Variants in MBD3 observed in about 807,000 individuals in gnomAD.
MBD3 encodes the protein methyl-CpG binding domain protein 3.
In MBD3, 13 loss-of-function variants were observed where a neutral mutation model predicts 31.2. The observed-to-expected ratio is 0.42, with a 90% CI of 0.27 to 0.66. MBD3 has a LOEUF of 0.66. MBD3 is among the 30% of genes least tolerant of loss of function. MBD3 has a pLI of 0.26. For missense variants in MBD3, 440 were observed against 426.5 expected (o/e 1.03, Z -0.28); for synonymous variants, 223 against 187.4 (o/e 1.19, Z -1.55).
At chr19:1,589,144 C>T (rs374820033) in intron 1 of MBD3, among the ~76,000 whole-genome samples, 10 of 151,780 alleles carry the variant, frequency 6.6e-5, no homozygotes, top group African/African-American at 2.2e-4. Flanking sequence ...CCAGCCTGAC[C>T]AACATGGTGA....
intron 3 of MBD3, 50 bp from the exon 4 acceptor site, chr19:1,582,762 A>C: frequency 6.6e-7 from 1 of 1,522,092 alleles, no homozygotes; most frequent in Non-Finnish European, 9.0e-7. Flanking sequence ...CCCTCTCCCC[A>C]CTCCAGGTCC....
At position 1,584,687 on chromosome 19, in the gene MBD3, G is replaced by C. The variant is rs749620078; in HGVS notation, c.271-10C>G. The C allele has an allele frequency of 6.2e-7, 1 of 1,609,558 alleles. No homozygotes were observed. The highest frequency in any genetic ancestry group is 1.3e-5 in the African/African-American group (1 of 74,902). ...TCAGGTCGGGCTTGCCCTGCGGGAG[G>C]AAGGATATGCAGTCCGGCCTGGGGG... On this transcript the variant is annotated splice_polypyrimidine_tract_variant and intron_variant, in intron 2 of 6. Coordinates refer to ENST00000434436, the MANE Select transcript of MBD3 (RefSeq NM_001281453.2).
At chr19:1,588,757 C>T (rs368639637) in intron 1 of MBD3, among the ~76,000 whole-genome samples, 13 of 128,984 alleles carry the variant, frequency 1.0e-4, no homozygotes, top group African/African-American at 2.4e-4. Flanking sequence ...CCAGCCTGGG[C>T]GACAGAGCAA....
In MBD3 at chr19:1,592,703, AGCTGCCTCC is replaced by A. The variant is rs1053458940; in HGVS notation, c.-81_-73del. ...GACCCCCACTCGCCGCCGCCGCCTC[AGCTGCCTCC>A]GCTGCCGCTGCCGCCGCCGCCACTT... On this transcript the variant is annotated 5_prime_UTR_variant, in exon 1 of 7. Coordinates refer to ENST00000434436, the MANE Select transcript of MBD3 (RefSeq NM_001281453.2). 3.4e-5 allele frequency: 16 copies of A among 464,024 alleles called. No individual in the cohort carries two copies. The highest frequency in any genetic ancestry group is 4.3e-5 in the African/African-American group (2 of 46,256). 28.7% of individuals were successfully genotyped at this position (464,024 alleles called of 1,614,324 possible).
rs1338302121 is a variant in MBD3 at position 1,589,473 on chromosome 19, T to C, written c.110+3049A>G. On this transcript the variant is annotated intron_variant, in intron 1 of 6. Transcript: ENST00000434436. ...TTCAAGACCAGCCTGGCCAACATGGTGAAACCCCGTCTCTATTAAAAATAT... is the reference window on the plus strand; with the variant it reads ...TTCAAGACCAGCCTGGCCAACATGGCGAAACCCCGTCTCTATTAAAAATAT... Among the ~76,000 whole-genome samples, 6 of 150,688 alleles carry C rather than the reference T, an allele frequency of 4.0e-5. No individual in the cohort carries two copies. The East Asian group carries it at 1.2e-3, about 29-fold the overall frequency.
At chr19:1,581,631 G>C in intron 4 of MBD3, 1 of 368,316 alleles carries the variant, frequency 2.7e-6, no homozygotes, top group South Asian at 2.2e-5. Context: ...TGTGGTCCCA[G>C]CTACTCAGGA....
At chr19:1,582,572 C>G (rs533884241) in intron 4 of MBD3, 50 bp downstream of exon 4, 1 of 1,566,502 alleles carries the variant, frequency 6.4e-7, no homozygotes, top group Non-Finnish European at 8.7e-7. Flanking sequence ...GCAGCACCTC[C>G]ACCCCACCCG....
At chr19:1,581,792 C>T (rs1417021104) in intron 4 of MBD3, 24 of 184,362 alleles carry the variant, frequency 1.3e-4, no homozygotes, top group Non-Finnish European at 1.8e-4. Flanking sequence ...TTTTTTGAGA[C>T]GGAGTCTCCC....
In MBD3 at chr19:1,584,993, A is replaced by T. The variant is rs1312330781; in HGVS notation, c.270+62T>A. 7 of 1,594,944 alleles carry T rather than the reference A, an allele frequency of 4.4e-6. No individual in the cohort carries two copies. The Admixed American group carries it at 1.0e-4, about 23-fold the overall frequency. ...GGCTGTGTCGCCTGCAGCTCACGTC[A>T]TGGCCGCGTCCCCGCCTAGAACGCC... On this transcript the variant is annotated intron_variant, in intron 2 of 6. Transcript: ENST00000434436.
intron 2 of MBD3, 114 bp from the exon 3 acceptor site, chr19:1,584,791 C>A: frequency 8.6e-7 from 1 of 1,164,470 alleles, no homozygotes; most frequent in Non-Finnish European, 1.1e-6. Flanking sequence ...GTGTCCCCCG[C>A]GCCCGCCAGG....
rs928490266 is a variant in MBD3, at chr19:1,577,237, C to G, written c.*927G>C. The G allele has an allele frequency of 6.6e-6, 1 of 152,354 alleles. No individual in the cohort carries two copies. The highest frequency in any genetic ancestry group is 2.4e-5 in the African/African-American group (1 of 41,466). 9.4% of individuals were successfully genotyped at this position (152,354 alleles called of 1,614,324 possible). A position where few individuals can be genotyped will look rare whatever the true frequency, so the allele number is the denominator to read the frequency against. ...GCAGGCGTCTGTGGCTTGGAACCTG[C>G]CCTCGCCAAGGCACTGGGGGGTTAA... On this transcript the variant is annotated 3_prime_UTR_variant, in exon 7 of 7. Coordinates refer to ENST00000434436, the MANE Select transcript of MBD3 (RefSeq NM_001281453.2).
At position 1,584,448 on chromosome 19, in the gene MBD3, G is replaced by A. The variant is rs192957568; in HGVS notation, c.408+92C>T. ...AGCCTGGAACTCCTGCGCTCACTAC[G>A]TCCGCTCCACGTACGACCTCATTCC... On this transcript the variant is annotated intron_variant, in intron 3 of 6. Coordinates refer to ENST00000434436, the MANE Select transcript of MBD3 (RefSeq NM_001281453.2). 481 of 1,562,968 alleles carry A rather than the reference G, an allele frequency of 3.1e-4. 4 individuals carry two copies. The African/African-American group carries it at 5.2e-3, about 17-fold the overall frequency.
intron 5 of MBD3, among the ~76,000 whole-genome samples, chr19:1,580,429 C>T (rs891356048): frequency 3.9e-5 from 6 of 152,254 alleles, no homozygotes; most frequent in African/African-American, 9.6e-5. Flanking sequence ...CTGGCCGTTC[C>T]GGGTCTTGGC....
intron 1 of MBD3, among the ~76,000 whole-genome samples, chr19:1,590,966 C>T (rs558930029): frequency 1.3e-5 from 2 of 152,340 alleles, no homozygotes; most frequent in South Asian, 2.1e-4. Context: ...CACTGCTAGA[C>T]CCTCATGCTC....
intron 4 of MBD3, 190 bp from the exon 5 acceptor site, chr19:1,581,459 T>G: frequency 1.5e-6 from 1 of 661,944 alleles, no homozygotes; most frequent in Non-Finnish European, 2.6e-6. Flanking sequence ...AAAAGCAAGT[T>G]AGGCCAGGCG....
intron 1 of MBD3, 191 bp downstream of exon 1, chr19:1,592,331 T>A (rs940155458): frequency 4.8e-5 from 8 of 168,034 alleles, no homozygotes; most frequent in Non-Finnish European, 7.6e-5. Context: ...CCGAAAGCCA[T>A]GCGGCCCAAC....
chr19:1,583,182 C>CAAAAAAAAAAAAAAAAA (rs2060660945), intron 3 of MBD3: 1 of 134,616 alleles, frequency 7.4e-6, no homozygotes, highest in African/African-American at 2.8e-5. Flanking sequence ...ACAGCCTGGA[C>CAAAAAAAAAAAAAAAAA]AACAAGAGCA....
intron 1 of MBD3, among the ~76,000 whole-genome samples, chr19:1,590,105 C>A (rs2060696904): frequency 6.6e-6 from 1 of 151,504 alleles, no homozygotes; most frequent in Non-Finnish European, 1.5e-5. Flanking sequence ...CGAGACCAGT[C>A]TGGCCAACAT....
intron 1 of MBD3, among the ~76,000 whole-genome samples, chr19:1,588,607 C>A (rs1363822440): frequency 6.6e-6 from 1 of 151,416 alleles, no homozygotes; most frequent in Non-Finnish European, 1.5e-5. Context: ...CATGGTGAAA[C>A]CCGTTTCTAC....
Sources: allele counts gnomAD v4.1 joint callset (sites outside exome capture counted in the v4.1 genomes callset), GRCh38; gene constraint gnomAD v4.1.1; transcripts MANE v1.5; gene names NCBI Gene and HGNC (gene_info 2026-07-23, HGNC 2026-07-21).